SYN3: variants seen among roughly 807,000 people sequenced by gnomAD.
The protein encoded by SYN3 is synapsin-3.
A neutral mutation model predicts 65.8 loss-of-function variants in SYN3; 35 were observed. That is an observed-to-expected ratio of 0.53 (90% CI 0.41 to 0.70). The LOEUF is 0.70. Among genes scored for constraint, SYN3 ranks in the 30% least tolerant of loss-of-function variants. The pLI, the probability that SYN3 is intolerant of heterozygous loss-of-function variation, is 0.00. For synonymous variants in SYN3, 270 were observed against 292.9 expected (o/e 0.92, Z 0.80); for missense variants, 680 against 749.0 (o/e 0.91, Z 1.08).
chr22:32,594,439 A>T (rs1225684289), intron 7 of SYN3, among the ~76,000 whole-genome samples: 2 of 152,014 alleles, frequency 1.3e-5, no homozygotes, highest in Non-Finnish European at 2.9e-5. Context: ...TGTCCAAGCT[A>T]TGGGTCATGC....
chr22:32,698,040 A>C (rs1407153754), intron 6 of SYN3, among the ~76,000 whole-genome samples: 1 of 152,182 alleles, frequency 6.6e-6, no homozygotes, highest in Non-Finnish European at 1.5e-5. Flanking sequence ...AGATCAGAAG[A>C]GTCAACCCTA....
chr22:32,528,947 G>A lies in SYN3; in HGVS notation c.1157C>T (p.Ala386Val), dbSNP rs751767967. 2.5e-6 allele frequency: 4 copies of A among 1,613,966 alleles called. No homozygotes were observed. Among genetic ancestry groups the A allele is most frequent in the Non-Finnish European group, 3.4e-6 (4 of 1,180,042 alleles). The change falls in exon 11 of 14, where the codon GCC becomes GTC. Residue 386 changes from alanine (A) to valine (V), a missense_variant. Coordinates refer to ENST00000358763, the MANE Select transcript of SYN3 (RefSeq NM_003490.4). ...EHVEEDRQLM[A>V]DLVVSKMSQL... ...GCTCATTTTGGAGACAACAAGGTCG[G>A]CCATCAGCTGTCTGTCCTCTTCCAC...
At chr22:32,582,574 C>G (rs1038996713) in intron 7 of SYN3, among the ~76,000 whole-genome samples, 2 of 151,950 alleles carry the variant, frequency 1.3e-5, no homozygotes, top group African/African-American at 4.8e-5. Flanking sequence ...GGGGGTGGGT[C>G]TCACCATGCT....
intron 4 of SYN3, among the ~76,000 whole-genome samples, chr22:32,907,478 A>G (rs2049932557): frequency 6.6e-6 from 1 of 152,188 alleles, no homozygotes; most frequent in African/African-American, 2.4e-5. Context: ...ACATTCAGCA[A>G]ATGCCTACTA....
At chr22:32,638,551 T>C (rs1221103177) in intron 6 of SYN3, among the ~76,000 whole-genome samples, 1 of 152,214 alleles carries the variant, frequency 6.6e-6, no homozygotes, top group African/African-American at 2.4e-5. Flanking sequence ...TTTGCATTTC[T>C]CTGATGATTA....
At chr22:32,891,367 T>C (rs1338983094) in intron 4 of SYN3, among the ~76,000 whole-genome samples, 1 of 152,200 alleles carries the variant, frequency 6.6e-6, no homozygotes, top group Non-Finnish European at 1.5e-5. Flanking sequence ...TGCTGAGCCC[T>C]GATGGATTTT....
At chr22:32,554,726 C>T (rs1185919571) in intron 7 of SYN3, among the ~76,000 whole-genome samples, 1 of 152,198 alleles carries the variant, frequency 6.6e-6, no homozygotes, top group Non-Finnish European at 1.5e-5. Flanking sequence ...GAATAAGACC[C>T]CCTTCCCCTC....
At chr22:32,649,599 G>A (rs1254898074) in intron 6 of SYN3, among the ~76,000 whole-genome samples, 1 of 152,158 alleles carries the variant, frequency 6.6e-6, no homozygotes, top group Non-Finnish European at 1.5e-5. Context: ...GAAGAATGGG[G>A]TGGTGGGAGG....
intron 6 of SYN3, among the ~76,000 whole-genome samples, chr22:32,658,550 A>G (rs2060174144): frequency 2.0e-5 from 3 of 152,216 alleles, no homozygotes; most frequent in Non-Finnish European, 2.9e-5. Context: ...AGGCTTTGCA[A>G]TTTACACAGG....
chr22:32,750,415 G>A (rs943878803), intron 6 of SYN3, among the ~76,000 whole-genome samples: 2 of 152,166 alleles, frequency 1.3e-5, no homozygotes, highest in Admixed American at 6.5e-5. Flanking sequence ...ACGACAGCCA[G>A]GGCTTCATAT....
chr22:32,943,841 G>C (rs2051019722), intron 3 of SYN3, among the ~76,000 whole-genome samples: 1 of 152,180 alleles, frequency 6.6e-6, no homozygotes, highest in African/African-American at 2.4e-5. Flanking sequence ...AAGATCAAAA[G>C]AGACAAAGAA....
At chr22:32,802,051 G>T in intron 6 of SYN3, 1 of 1,577,300 alleles carries the variant, frequency 6.3e-7, no homozygotes, top group Non-Finnish European at 8.6e-7. Context: ...TGGAGCCTGG[G>T]GGACTGGGGC....
chr22:32,822,155 C>CAAAAAAAA (rs35312009), intron 6 of SYN3, among the ~76,000 whole-genome samples: 1 of 108,322 alleles, frequency 9.2e-6, no homozygotes, highest in Non-Finnish European at 1.8e-5. Flanking sequence ...AACTCCATCT[C>CAAAAAAAA]AAAAAAAAAA....
At chr22:32,536,867 T>G (rs370385484) in intron 9 of SYN3, among the ~76,000 whole-genome samples, 33 of 152,196 alleles carry the variant, frequency 2.2e-4, no homozygotes, top group African/African-American at 7.0e-4. Context: ...GTCAGTGACA[T>G]GAGCCAGTAA....
Position 32,840,848 on chromosome 22 carries a change from C to A in SYN3, c.711+24067G>T, listed in dbSNP as rs898331264. ...TCCTTGCTTATATTGCTGAGCCTGC[C>A]TTACTTGAGTGTCATTGCTGGTCTC... On this transcript the variant is annotated intron_variant, in intron 6 of 13. Transcript: ENST00000358763. Among the ~76,000 whole-genome samples the A allele has an allele frequency of 2.0e-5, 3 of 152,186 alleles. No individual in the cohort carries two copies. The East Asian group carries it at 5.8e-4, about 29-fold the overall frequency.
chr22:32,610,869 A>ATAATGAGC, intron 6 of SYN3, among the ~76,000 whole-genome samples: 1 of 152,238 alleles, frequency 6.6e-6, no homozygotes, highest in Non-Finnish European at 1.5e-5. Flanking sequence ...GGCATGAGCC[A>ATAATGAGC]CTGCGTCCAG....
intron 6 of SYN3, among the ~76,000 whole-genome samples, chr22:32,748,645 G>A (rs2145638518): frequency 6.6e-6 from 1 of 152,294 alleles, no homozygotes; most frequent in East Asian, 1.9e-4. Context: ...TTGGAAGGTG[G>A]TTAGACTGAG....
intron 6 of SYN3, among the ~76,000 whole-genome samples, chr22:32,671,232 T>A (rs2060356965): frequency 6.6e-6 from 1 of 151,864 alleles, no homozygotes; most frequent in South Asian, 2.1e-4. Flanking sequence ...ACCCGCCCAT[T>A]TTCACACACA....
chr22:32,645,992 G>A (rs1403105516), intron 6 of SYN3, among the ~76,000 whole-genome samples: 3 of 152,140 alleles, frequency 2.0e-5, no homozygotes, highest in African/African-American at 7.2e-5. Flanking sequence ...GGCAAGGAGG[G>A]GACCTGCACA....
Sources: gnomAD v4.1 joint callset for allele counts (sites outside exome capture counted in the v4.1 genomes callset) on GRCh38, gnomAD v4.1.1 for gene constraint, MANE v1.5 for transcripts, NCBI Gene and HGNC (gene_info 2026-07-23, HGNC 2026-07-21) for gene names.